The following PLB1 variants were observed in gnomAD, a reference collection of about 807,000 sequenced individuals.
PLB1 encodes phospholipase B1, membrane-associated.
In PLB1, 242 loss-of-function variants were observed where a neutral mutation model predicts 227.4. The ratio of observed to expected loss-of-function variants is 1.06; its 90% CI spans 0.96 to 1.18. PLB1 has a LOEUF of 1.18. PLB1 is among the 50% of genes most tolerant of loss of function. The probability of loss-of-function intolerance (pLI) is 0.00; values close to 1 mark genes in which losing one functional copy is unlikely to be tolerated. For synonymous variants in PLB1, 757 were observed against 682.2 expected, an observed-to-expected ratio of 1.11 and a Z score of -1.71; for missense variants, 1,858 against 1,816.3, an observed-to-expected ratio of 1.02 and a Z score of -0.42.
rs144217212 is a variant in PLB1 at position 28,538,597 on chromosome 2, C to T, written c.618+216C>T. On this transcript the variant is annotated intron_variant, in intron 10 of 57. Transcript: ENST00000327757. Reference sequence around the variant, plus strand: ...GCAAAGGAAACTTCTGAGAGAAACTCGGCTCTTCCTTGAGTCCTCGGTGGC... The same window carrying T: ...GCAAAGGAAACTTCTGAGAGAAACTTGGCTCTTCCTTGAGTCCTCGGTGGC... Among the ~76,000 whole-genome samples the T allele has an allele frequency of 8.0e-4, 122 of 152,292 alleles. 1 individual carries two copies. The highest frequency in any genetic ancestry group is 2.8e-3 in the African/African-American group (115 of 41,552).
At chr2:28,511,148 C>G (rs887694669) in intron 1 of PLB1, among the ~76,000 whole-genome samples, 2 of 152,108 alleles carry the variant, frequency 1.3e-5, no homozygotes, top group Admixed American at 1.3e-4. Context: ...TCCATTTATT[C>G]CATCCAAATC....
rs768607423 is a variant in PLB1, at chr2:28,643,032, C to T, written c.4348C>T (p.Pro1450Ser). The change falls in exon 58 of 58, where the codon CCA becomes TCA. Residue 1450 changes from proline to serine, a missense_variant. Transcript: ENST00000327757. ...CRRGGRREDP[P>S]MSLRTVAL The stretch of plus-strand genomic sequence containing the variant: ...GAGAGGTGGCCGGAGGGAAGATCCT[C>T]CAATGAGCCTGCGCACTGTGGCCCT... 1.2e-6 allele frequency: 2 copies of T among 1,609,196 alleles called. No individual in the cohort carries two copies. The highest frequency in any genetic ancestry group is 3.4e-5 in the Admixed American group (2 of 59,484).
At position 28,498,387 on chromosome 2, in the gene PLB1, CA is replaced by C. The variant is rs751768686; in HGVS notation, c.55+2222del. Reference sequence around the variant, plus strand: ...CACACACCCACTCAGGTTATATAATCAAAATATTGTGTTCAGGCACATGCCA... The same window carrying C: ...CACACACCCACTCAGGTTATATAATCAAATATTGTGTTCAGGCACATGCCA... On this transcript the variant is annotated intron_variant, in intron 1 of 57. Coordinates refer to ENST00000327757, the MANE Select transcript of PLB1 (RefSeq NM_153021.5). 1.2e-4 allele frequency among the ~76,000 whole-genome samples: 18 copies of C among 147,684 alleles called. 1 individual carries two copies. The highest frequency in any genetic ancestry group is 2.7e-4 in the Admixed American group (4 of 14,746).
chr2:28,573,453 G>T (rs1196700435), intron 21 of PLB1, 148 bp downstream of exon 21: 3 of 640,924 alleles, frequency 4.7e-6, no homozygotes, highest in African/African-American at 3.7e-5. Context: ...AGCTCTCTTG[G>T]AGGTGTCACA....
At chr2:28,569,271 C>G (rs1208504057) in intron 20 of PLB1, among the ~76,000 whole-genome samples, 3 of 152,182 alleles carry the variant, frequency 2.0e-5, no homozygotes, top group African/African-American at 7.2e-5. Flanking sequence ...TGTCTTTGAA[C>G]AAATCTCCAA....
At chr2:28,574,799 A>T (rs1455411363) in intron 21 of PLB1, among the ~76,000 whole-genome samples, 1 of 152,220 alleles carries the variant, frequency 6.6e-6, no homozygotes, top group Non-Finnish European at 1.5e-5. Flanking sequence ...TACTTCACTT[A>T]GAATAATGGC....
intron 17 of PLB1, among the ~76,000 whole-genome samples, chr2:28,556,256 A>G (rs778173583): frequency 1.2e-4 from 19 of 152,190 alleles, no homozygotes; most frequent in Non-Finnish European, 2.5e-4. Context: ...ATTAAAAGTG[A>G]TGTTTCAAAA....
rs111275062 is a variant in PLB1 at position 28,585,529 on chromosome 2, G to A, written c.1734-232G>A. 7.4e-4 allele frequency: 327 copies of A among 442,918 alleles called. 2 individuals carry two copies. The highest frequency in any genetic ancestry group is 4.8e-3 in the African/African-American group (242 of 49,918). 27.4% of individuals were successfully genotyped at this position (442,918 alleles called of 1,614,324 possible). On this transcript the variant is annotated intron_variant, in intron 25 of 57. Coordinates refer to ENST00000327757, the MANE Select transcript of PLB1 (RefSeq NM_153021.5). Reference sequence around the variant, plus strand: ...TGACCTCAAGTGATCCACCCACCTCGGCCCACCAAAGTGCTGGCATTACAG... The same window carrying A: ...TGACCTCAAGTGATCCACCCACCTCAGCCCACCAAAGTGCTGGCATTACAG...
chr2:28,559,736 A>G (rs1489173378), intron 17 of PLB1, among the ~76,000 whole-genome samples: 2 of 133,350 alleles, frequency 1.5e-5, no homozygotes, highest in Admixed American at 1.6e-4. Flanking sequence ...TGCAGGCCTG[A>G]AAGCTTTTTT....
chr2:28,578,839 G>A (rs1476295920), intron 22 of PLB1, among the ~76,000 whole-genome samples: 1 of 152,166 alleles, frequency 6.6e-6, no homozygotes, highest in Admixed American at 6.5e-5. Flanking sequence ...TACCCTTAAT[G>A]TCAAACTTTC....
rs553766174 is a variant in PLB1 at position 28,641,219 on chromosome 2, G to C, written c.4173+218G>C. Among the ~76,000 whole-genome samples the C allele has an allele frequency of 7.9e-5, 12 of 152,290 alleles. No individual in the cohort carries two copies. The East Asian group carries it at 2.3e-3, about 29-fold the overall frequency. On this transcript the variant is annotated intron_variant, in intron 57 of 57. Coordinates refer to ENST00000327757, the MANE Select transcript of PLB1 (RefSeq NM_153021.5). Reference sequence around the variant, plus strand: ...GAGAGGACGTTCAACAGCTCCAACCGAAGGGAGGACAGTCGCTCAGGGAGG... The same window carrying C: ...GAGAGGACGTTCAACAGCTCCAACCCAAGGGAGGACAGTCGCTCAGGGAGG...
chr2:28,498,931 T>C (rs1440683433), intron 1 of PLB1, among the ~76,000 whole-genome samples: 2 of 152,172 alleles, frequency 1.3e-5, no homozygotes, highest in Admixed American at 1.3e-4. Flanking sequence ...ATGAATCAAG[T>C]TGGGGAAAAT....
chr2:28,496,245 G>A, intron 1 of PLB1, 76 bp downstream of exon 1: 1 of 1,388,642 alleles, frequency 7.2e-7, no homozygotes, highest in Non-Finnish European at 1.0e-6. Context: ...GGCAATGGGT[G>A]TGTGAGAGGA....
chr2:28,536,390 TA>T (rs1379672617), intron 9 of PLB1, among the ~76,000 whole-genome samples: 1 of 152,030 alleles, frequency 6.6e-6, no homozygotes, highest in Non-Finnish European at 1.5e-5. Context: ...CTTTATTAAT[TA>T]GTAAGATTTT....
intron 2 of PLB1, among the ~76,000 whole-genome samples, chr2:28,517,893 CAG>C (rs1669038473): frequency 1.5e-5 from 2 of 132,742 alleles, no homozygotes; most frequent in East Asian, 2.5e-4. Context: ...TTTTTTGAGA[CAG>C]AGTCTTGCTG....
At chr2:28,549,532 C>T (rs1673883073) in intron 15 of PLB1, among the ~76,000 whole-genome samples, 1 of 149,464 alleles carries the variant, frequency 6.7e-6, no homozygotes, top group Non-Finnish European at 1.5e-5. Flanking sequence ...TCTCCTGCCT[C>T]AGCCTCCCAA....
intron 51 of PLB1, 134 bp from the exon 52 acceptor site, chr2:28,628,429 G>C: frequency 1.4e-6 from 1 of 719,654 alleles, no homozygotes; most frequent in Non-Finnish European, 2.4e-6. Flanking sequence ...GGGCTTCTCA[G>C]TTTGACCAGG....
intron 52 of PLB1, 85 bp from the exon 53 acceptor site, chr2:28,629,009 G>C (rs190885352): frequency 9.1e-7 from 1 of 1,100,618 alleles, no homozygotes. Flanking sequence ...AAATTGAGGG[G>C]AGTGGGAATT....
At chr2:28,579,852 G>C (rs142738993) in intron 23 of PLB1, 145 bp downstream of exon 23, 1 of 668,296 alleles carries the variant, frequency 1.5e-6, no homozygotes, top group East Asian at 2.8e-5. Flanking sequence ...TGAACCCTGA[G>C]ACTGAGAAGG....
Sources: allele counts gnomAD v4.1 joint callset (sites outside exome capture counted in the v4.1 genomes callset), GRCh38; gene constraint gnomAD v4.1.1; transcripts MANE v1.5; gene names NCBI Gene and HGNC (gene_info 2026-07-23, HGNC 2026-07-21).